NTN1: variants seen among roughly 807,000 people sequenced by gnomAD.
NTN1 encodes the protein netrin 1.
NTN1 carries 11 observed loss-of-function variants against 54.2 expected under a neutral mutation model. That is an observed-to-expected ratio of 0.20 (90% CI 0.13 to 0.34). NTN1 has a LOEUF of 0.34. Among genes scored for constraint, NTN1 ranks in the 10% least tolerant of loss-of-function variants. The pLI is 1.00. For synonymous variants in NTN1, 371 were observed against 382.0 expected (o/e 0.97, Z 0.33); for missense variants, 740 against 893.1 (o/e 0.83, Z 2.18).
chr17:9,181,133 C>G (rs140608446), intron 4 of NTN1, among the ~76,000 whole-genome samples: 68 of 152,320 alleles, frequency 4.5e-4, no homozygotes, highest in African/African-American at 1.5e-3. Context: ...TGGGAACTCT[C>G]ATTTCCCAGC....
the NTN1 span, among the ~76,000 whole-genome samples, chr17:9,008,605 G>A: frequency 1.3e-5 from 2 of 152,232 alleles, no homozygotes; most frequent in Non-Finnish European, 2.9e-5. Context: ...TTACAGGCAT[G>A]AGCCACTGTG....
intron 5 of NTN1, among the ~76,000 whole-genome samples, chr17:9,202,165 C>A (rs7211713): frequency 0.8 from 120,376 of 151,000 alleles, 48,819 homozygotes; most frequent in African/African-American, 0.95. Context: ...CGCTTGAACC[C>A]GGGAAGCAGA....
intron 2 of NTN1, among the ~76,000 whole-genome samples, chr17:9,159,255 A>G (rs2092351139): frequency 6.6e-6 from 1 of 152,238 alleles, no homozygotes; most frequent in Non-Finnish European, 1.5e-5. Flanking sequence ...AAGAAATATA[A>G]ATAGAAAAAC....
At chr17:9,019,438 C>T (rs866830440), upstream of NTN1, among the ~76,000 whole-genome samples, 4 of 152,294 alleles carry the variant, frequency 2.6e-5, no homozygotes, top group South Asian at 6.2e-4. Flanking sequence ...ATAGATCAAG[C>T]GACCTCATAC....
chr17:9,107,954 G>A (rs1366150817), intron 2 of NTN1, among the ~76,000 whole-genome samples: 3 of 152,088 alleles, frequency 2.0e-5, no homozygotes, highest in Admixed American at 6.5e-5. Context: ...CTATTCACTG[G>A]CTCCCTCATT....
chr17:9,038,918 T>C (rs1168427684), intron 2 of NTN1, among the ~76,000 whole-genome samples: 2 of 152,208 alleles, frequency 1.3e-5, no homozygotes, highest in Non-Finnish European at 2.9e-5. Flanking sequence ...CTTTCACACA[T>C]CTGGAATTAA....
intron 2 of NTN1, among the ~76,000 whole-genome samples, chr17:9,047,546 A>G (rs1193622203): frequency 1.3e-5 from 2 of 148,560 alleles, no homozygotes; most frequent in Non-Finnish European, 3.0e-5. Flanking sequence ...CGCCACTTCT[A>G]TTTCTAGTTC....
At chr17:9,030,064 T>A (rs1208613211) in intron 2 of NTN1, among the ~76,000 whole-genome samples, 1 of 152,182 alleles carries the variant, frequency 6.6e-6, no homozygotes, top group Non-Finnish European at 1.5e-5. Context: ...AGGTGTGTAT[T>A]CAGCCCCAAA....
At chr17:9,096,736 GTCT>G in intron 2 of NTN1, among the ~76,000 whole-genome samples, 1 of 151,976 alleles carries the variant, frequency 6.6e-6, no homozygotes, top group South Asian at 2.1e-4. Context: ...CTCTTTTCTT[GTCT>G]TCTTGCATTG....
In NTN1 at chr17:9,221,094, C is replaced by T. The variant is rs2142356127; in HGVS notation, c.1412-74C>T. On this transcript the variant is annotated intron_variant, in intron 5 of 6. Transcript: ENST00000173229. The surrounding 1 kb of genome is among the most constrained non-coding windows in gnomAD (Gnocchi z 4.5). ...TCTGGCTATTTAGGGAGGCGGCCTC[C>T]TACTCTGCCCGCCAGCCTATTCATC... The T allele has an allele frequency of 9.1e-7, 1 of 1,103,258 alleles. No homozygotes were observed. Among genetic ancestry groups the T allele is most frequent in the Non-Finnish European group, 1.4e-6 (1 of 715,544 alleles). 68.3% of individuals were successfully genotyped at this position (1,103,258 alleles called of 1,614,324 possible). A position where few individuals can be genotyped will look rare whatever the true frequency, so the allele number is the denominator to read the frequency against.
At chr17:9,033,636 G>A (rs2091894263) in intron 2 of NTN1, among the ~76,000 whole-genome samples, 2 of 152,086 alleles carry the variant, frequency 1.3e-5, no homozygotes, top group African/African-American at 4.8e-5. Context: ...GTACTTAGTT[G>A]GCTGGGCATG....
intron 2 of NTN1, among the ~76,000 whole-genome samples, chr17:9,064,422 C>T (rs1429990705): frequency 6.6e-6 from 1 of 152,144 alleles, no homozygotes; most frequent in African/African-American, 2.4e-5. Flanking sequence ...AGCTTCAGAC[C>T]CCACAGCTCC....
intron 3 of NTN1, among the ~76,000 whole-genome samples, chr17:9,166,573 T>A (rs11652063): frequency 0.32 from 48,028 of 151,890 alleles, 8,150 homozygotes; most frequent in Middle Eastern, 0.42. Context: ...AACTCCTGAC[T>A]TCAGGTGATC....
chr17:9,173,644 G>A (rs1033381070), intron 3 of NTN1: 2 of 152,386 alleles, frequency 1.3e-5, no homozygotes, highest in African/African-American at 2.4e-5. Context: ...ACTCAAAGCA[G>A]AGAAGACTGT....
At chr17:9,065,010 C>T (rs573011969) in intron 2 of NTN1, among the ~76,000 whole-genome samples, 3 of 152,276 alleles carry the variant, frequency 2.0e-5, no homozygotes, top group Admixed American at 2.0e-4. Context: ...AATCTCGGCT[C>T]ACTGCAACCT....
intron 6 of NTN1, among the ~76,000 whole-genome samples, chr17:9,222,624 G>A (rs1905397923): frequency 6.6e-6 from 1 of 152,110 alleles, no homozygotes; most frequent in Non-Finnish European, 1.5e-5. Context: ...GAAGAAGAGG[G>A]GTGAGAAGCG....
intron 6 of NTN1, among the ~76,000 whole-genome samples, chr17:9,232,824 C>G (rs1034436678): frequency 5.9e-5 from 9 of 152,150 alleles, no homozygotes; most frequent in African/African-American, 2.2e-4. Context: ...TGAGACCAAG[C>G]CTTGGCTCTG....
intron 2 of NTN1, among the ~76,000 whole-genome samples, chr17:9,111,132 T>A (rs946856480): frequency 6.6e-6 from 1 of 151,986 alleles, no homozygotes; most frequent in Non-Finnish European, 1.5e-5. Context: ...GAGATGGGGT[T>A]TCACCGTGTT....
At chr17:9,100,446 T>C (rs1203541056) in intron 2 of NTN1, among the ~76,000 whole-genome samples, 1 of 152,038 alleles carries the variant, frequency 6.6e-6, no homozygotes, top group African/African-American at 2.4e-5. Flanking sequence ...TACAAGCATG[T>C]GCCACCATGC....
Sources: gnomAD v4.1 joint callset for allele counts (sites outside exome capture counted in the v4.1 genomes callset) on GRCh38, gnomAD v4.1.1 for gene constraint, Gnocchi (gnomAD v3.1) non-coding constraint, MANE v1.5 for transcripts, NCBI Gene and HGNC (gene_info 2026-07-23, HGNC 2026-07-21) for gene names.